PCDHGB3: variants seen among roughly 807,000 people sequenced by gnomAD.
The protein encoded by PCDHGB3 is protocadherin gamma subfamily B, 3, also known as protocadherin gamma-B3.
In PCDHGB3, 40 loss-of-function variants were observed where a neutral mutation model predicts 59.2. That is an observed-to-expected ratio of 0.68 (90% CI 0.52 to 0.88). The LOEUF (loss-of-function observed/expected upper bound fraction) is 0.88. PCDHGB3 is among the 40% of genes least tolerant of loss of function. The probability of loss-of-function intolerance (pLI) is 0.00; values close to 1 mark genes in which losing one functional copy is unlikely to be tolerated. For missense variants in PCDHGB3, 1,309 were observed against 1,187.9 expected, an observed-to-expected ratio of 1.10 and a Z score of -1.50; for synonymous variants, 581 against 503.6, an observed-to-expected ratio of 1.15 and a Z score of -2.06.
At chr5:141,468,849 G>C (rs1349849817) in intron 1 of PCDHGB3, among the ~76,000 whole-genome samples, 2 of 152,058 alleles carry the variant, frequency 1.3e-5, no homozygotes, top group East Asian at 3.9e-4. Flanking sequence ...CTGGGCAACA[G>C]AGCGAGACTC....
At chr5:141,421,873 T>G (rs1219669838) in intron 1 of PCDHGB3, 3 of 1,613,592 alleles carry the variant, frequency 1.9e-6, no homozygotes, top group Non-Finnish European at 2.5e-6. Context: ...CCTCACAGCT[T>G]TAGATGGAGG....
At chr5:141,451,712 C>G (rs769620335) in intron 1 of PCDHGB3, among the ~76,000 whole-genome samples, 2 of 151,994 alleles carry the variant, frequency 1.3e-5, no homozygotes, top group African/African-American at 4.8e-5. Context: ...CAAAACCCTG[C>G]CTCTACTAAA....
intron 1 of PCDHGB3, chr5:141,392,938 G>T: frequency 6.2e-7 from 1 of 1,613,954 alleles, no homozygotes; most frequent in Non-Finnish European, 8.5e-7. Flanking sequence ...ACGGACAAAG[G>T]CTCCTTCGTG....
At position 141,485,314 on chromosome 5, in the gene PCDHGB3, T is replaced by A. The variant is rs1292296791; in HGVS notation, c.2416-9493T>A. The A allele has an allele frequency of 1.2e-6, 2 of 1,614,150 alleles. No homozygotes were observed. The highest frequency in any genetic ancestry group is 1.7e-6 in the Non-Finnish European group (2 of 1,180,032). ...CACAGGAAGGGACTTTTGTAGGGAA[T>A]GTCGCTCAAGATTTCCTGCTGGATA... On this transcript the variant is annotated intron_variant, in intron 1 of 3. Coordinates refer to ENST00000576222, the MANE Select transcript of PCDHGB3 (RefSeq NM_018924.5). This position sits in a 1 kb window ranked among gnomAD's most constrained non-coding sequence, Gnocchi z 5.7.
chr5:141,509,499 T>C (rs895353804), intron 3 of PCDHGB3, among the ~76,000 whole-genome samples: 1 of 152,128 alleles, frequency 6.6e-6, no homozygotes, highest in Non-Finnish European at 1.5e-5. Flanking sequence ...GCATGCTGGA[T>C]GTGACGGTGT....
rs375834520 is a variant in PCDHGB3, at chr5:141,389,526, G to A, written c.2415+16717G>A. 145 of 1,613,070 alleles carry A rather than the reference G, an allele frequency of 9.0e-5. No homozygotes were observed. Among genetic ancestry groups the A allele is most frequent in the Non-Finnish European group, 1.2e-4 (141 of 1,179,758 alleles). ...GCTCAGCGCGAACGTGAGCCTGCGC[G>A]TGTTAGTGGACGACCGCAACGACAA... On this transcript the variant is annotated intron_variant, in intron 1 of 3. Coordinates refer to ENST00000576222, the MANE Select transcript of PCDHGB3 (RefSeq NM_018924.5).
At chr5:141,481,656 A>G (rs1425280340) in intron 1 of PCDHGB3, among the ~76,000 whole-genome samples, 1 of 152,084 alleles carries the variant, frequency 6.6e-6, no homozygotes, top group Non-Finnish European at 1.5e-5. Context: ...CATCTCTACT[A>G]ATAATACAAA....
Position 141,438,625 on chromosome 5 carries a change from TATATATATATACAC to T in PCDHGB3, c.2416-56180_2416-56167del, listed in dbSNP as rs1291649000. Among the ~76,000 whole-genome samples, 88 of 46,398 alleles carry T rather than the reference TATATATATATACAC, an allele frequency of 1.9e-3. 1 individual carries two copies. The highest frequency in any genetic ancestry group is 8.6e-3 in the African/African-American group (72 of 8,380). 30.4% of individuals were successfully genotyped at this position (46,398 alleles called of 152,430 possible). A position where few individuals can be genotyped will look rare whatever the true frequency, so the allele number is the denominator to read the frequency against. ...ATATATATATATATATATATATATATATATATATATACACACACACACACACATATATGTATATA... is the reference window on the plus strand; with the variant it reads ...ATATATATATATATATATATATATATACACACACACACATATATGTATATA... On this transcript the variant is annotated intron_variant, in intron 1 of 3. Transcript: ENST00000576222.
intron 1 of PCDHGB3, chr5:141,405,405 T>C (rs765108115): frequency 1.4e-5 from 22 of 1,588,008 alleles, no homozygotes; most frequent in Non-Finnish European, 1.9e-5. Context: ...TTTCTTTCTT[T>C]TCTTTTTTTG....
chr5:141,383,424 T>A, intron 1 of PCDHGB3: 1 of 1,613,978 alleles, frequency 6.2e-7, no homozygotes, highest in Non-Finnish European at 8.5e-7. Context: ...TCAGCCCCAA[T>A]CGCCACTTCT....
chr5:141,393,789 G>C lies in PCDHGB3; in HGVS notation c.2415+20980G>C, dbSNP rs889575374. On this transcript the variant is annotated intron_variant, in intron 1 of 3. Transcript: ENST00000576222. ...GGAAATACAAGCCGAAGATGTGGGGGCACTTCTGGGGAGGACCAAATTGCT... is the reference window on the plus strand; with the variant it reads ...GGAAATACAAGCCGAAGATGTGGGGCCACTTCTGGGGAGGACCAAATTGCT... The C allele has an allele frequency of 1.9e-6, 3 of 1,613,840 alleles. No homozygotes were observed. The African/African-American group carries it at 4.0e-5, about 22-fold the overall frequency.
At chr5:141,423,203 T>A (rs2096720538) in intron 1 of PCDHGB3, 1 of 1,613,508 alleles carries the variant, frequency 6.2e-7, no homozygotes, top group African/African-American at 1.3e-5. Context: ...TCGGCCACCG[T>A]CACGCTCACC....
At chr5:141,428,145 A>T (rs748256830) in intron 1 of PCDHGB3, 11 of 1,592,456 alleles carry the variant, frequency 6.9e-6, no homozygotes, top group Non-Finnish European at 8.6e-7. Flanking sequence ...GGGGCTGCAC[A>T]CGGGAACCTG....
chr5:141,413,371 C>G (rs752898022), intron 1 of PCDHGB3: 1 of 1,613,966 alleles, frequency 6.2e-7, no homozygotes, highest in Non-Finnish European at 8.5e-7. Context: ...GCTGGCGGAG[C>G]GCGGAGTCCG....
chr5:141,384,503 A>G lies in PCDHGB3; in HGVS notation c.2415+11694A>G, dbSNP rs761415530. 6 of 1,614,192 alleles carry G rather than the reference A, an allele frequency of 3.7e-6. No homozygotes were observed. The highest frequency in any genetic ancestry group is 5.1e-6 in the Non-Finnish European group (6 of 1,180,018). ...GAACTACAACTAAGAGTGACTGCAC[A>G]TGACAGCGGGGACCCGCCTCTCAGC... On this transcript the variant is annotated intron_variant, in intron 1 of 3. Transcript: ENST00000576222.
In PCDHGB3 at chr5:141,398,897, C is replaced by A. The variant is rs761364649; in HGVS notation, c.2415+26088C>A. On this transcript the variant is annotated intron_variant, in intron 1 of 3. Coordinates refer to ENST00000576222, the MANE Select transcript of PCDHGB3 (RefSeq NM_018924.5). The stretch of plus-strand genomic sequence containing the variant: ...GTCAGCCTTCGGGAAAACGTGCCAC[C>A]AGGCACCACTGTGTTGCAAGTGTCA... 6 of 1,613,932 alleles carry A rather than the reference C, an allele frequency of 3.7e-6. No homozygotes were observed. The South Asian group carries it at 6.6e-5, about 18-fold the overall frequency.
In PCDHGB3 at chr5:141,506,176, C is replaced by T. The variant is rs183157987; in HGVS notation, c.2563+695C>T. ...CCTTAAGAGCACAGCCTAAGCTGGG[C>T]GTGGTGGCTCACGCCTGTAATCCCA... is the stretch of plus-strand genomic sequence containing the variant. On this transcript the variant is annotated intron_variant, in intron 3 of 3. Coordinates refer to ENST00000576222, the MANE Select transcript of PCDHGB3 (RefSeq NM_018924.5). Among the ~76,000 whole-genome samples the T allele has an allele frequency of 3.0e-3, 454 of 152,234 alleles. 1 individual carries two copies. The highest frequency in any genetic ancestry group is 0.021 in the Admixed American group (317 of 15,296).
At chr5:141,411,783 G>C (rs1191623081) in intron 1 of PCDHGB3, 1 of 152,338 alleles carries the variant, frequency 6.6e-6, no homozygotes, top group Non-Finnish European at 1.5e-5. Context: ...TCTGGTGGCT[G>C]TGGTGGGAGA....
At chr5:141,410,363 C>T (rs1341289640) in intron 1 of PCDHGB3, 6 of 1,614,068 alleles carry the variant, frequency 3.7e-6, no homozygotes, top group Non-Finnish European at 3.4e-6. Flanking sequence ...CTCTCTCAGC[C>T]CTGCTACTTG....
Sources: allele counts gnomAD v4.1 joint callset (sites outside exome capture counted in the v4.1 genomes callset), GRCh38; gene constraint gnomAD v4.1.1; non-coding constraint Gnocchi (gnomAD v3.1); transcripts MANE v1.5; gene names NCBI Gene and HGNC (gene_info 2026-07-23, HGNC 2026-07-21).